NAALADL2: variants seen among roughly 807,000 people sequenced by gnomAD.
NAALADL2 encodes N-acetylated alpha-linked acidic dipeptidase like 2, also known as inactive N-acetylated-alpha-linked acidic dipeptidase-like protein 2.
NAALADL2 carries 76 observed loss-of-function variants against 87.2 expected under a neutral mutation model. That is an observed-to-expected ratio of 0.87 (90% CI 0.72 to 1.05). NAALADL2 has a LOEUF of 1.05. Ranked by LOEUF, NAALADL2 falls within the 50% of genes least tolerant of loss-of-function variation. NAALADL2 has a pLI of 0.00. For missense variants in NAALADL2, 1,089 were observed against 945.8 expected (o/e 1.15, Z -1.99); for synonymous variants, 354 against 331.0 (o/e 1.07, Z -0.75).
chr3:174,589,625 G>T (rs1262560521), intron 2 of NAALADL2, among the ~76,000 whole-genome samples: 1 of 152,156 alleles, frequency 6.6e-6, no homozygotes, highest in Non-Finnish European at 1.5e-5. Flanking sequence ...TTAGTTGACT[G>T]AAACATTAGT....
intron 1 of NAALADL2, among the ~76,000 whole-genome samples, chr3:174,454,546 A>G (rs79282566): frequency 7.0e-4 from 106 of 152,342 alleles, no homozygotes; most frequent in Non-Finnish European, 1.2e-3. Flanking sequence ...ACTCTCTCAG[A>G]CAACAGCAGC....
Position 175,627,283 on chromosome 3 carries a change from TG to T in NAALADL2, c.1801-7del. 1 of 1,547,942 alleles carries T rather than the reference TG, an allele frequency of 6.5e-7. No homozygotes were observed. The highest frequency in any genetic ancestry group is 8.7e-7 in the Non-Finnish European group (1 of 1,144,482). On this transcript the variant is annotated splice_polypyrimidine_tract_variant and splice_region_variant and intron_variant, in intron 10 of 13. Coordinates refer to ENST00000454872, the MANE Select transcript of NAALADL2 (RefSeq NM_207015.3). Reference sequence around the variant, plus strand: ...AGTTTTAAATGTTTCTTTTTTGATTTGCCGCAGGGTCCAAGTTTTCTCTCCG... The same window carrying T: ...AGTTTTAAATGTTTCTTTTTTGATTTCCGCAGGGTCCAAGTTTTCTCTCCG...
chr3:175,410,422 T>C (rs1264972790), intron 5 of NAALADL2, among the ~76,000 whole-genome samples: 12 of 152,162 alleles, frequency 7.9e-5, no homozygotes, highest in Non-Finnish European at 4.4e-5. Flanking sequence ...CTAATTGATG[T>C]AGAACCAAGA....
At chr3:174,632,607 A>G (rs892053756) in intron 2 of NAALADL2, among the ~76,000 whole-genome samples, 3 of 152,092 alleles carry the variant, frequency 2.0e-5, no homozygotes, top group Non-Finnish European at 2.9e-5. Context: ...TTCAGGAGGA[A>G]GAACAATAAC....
At chr3:175,460,342 G>A (rs1284144837) in intron 6 of NAALADL2, among the ~76,000 whole-genome samples, 2 of 152,176 alleles carry the variant, frequency 1.3e-5, no homozygotes, top group African/African-American at 4.8e-5. Context: ...ATCAGCACAT[G>A]CATGAGGATG....
chr3:175,030,455 C>T (rs1027012453), intron 1 of NAALADL2, among the ~76,000 whole-genome samples: 6 of 152,002 alleles, frequency 3.9e-5, no homozygotes, highest in African/African-American at 1.4e-4. Flanking sequence ...CTTACTTTGA[C>T]AGTTGCATTA....
At chr3:174,844,383 G>T (rs779895161) in intron 3 of NAALADL2, among the ~76,000 whole-genome samples, 5 of 152,108 alleles carry the variant, frequency 3.3e-5, no homozygotes, top group Non-Finnish European at 7.4e-5. Context: ...ATGATGTTTA[G>T]GTTACTATAG....
At chr3:175,060,783 C>T (rs1304689003) in intron 1 of NAALADL2, among the ~76,000 whole-genome samples, 2 of 152,208 alleles carry the variant, frequency 1.3e-5, no homozygotes, top group African/African-American at 2.4e-5. Context: ...TGCCGTGGCT[C>T]ATGCCTGTAA....
chr3:175,100,020 A>G (rs1441465189), intron 2 of NAALADL2, among the ~76,000 whole-genome samples: 1 of 150,698 alleles, frequency 6.6e-6, no homozygotes, highest in Admixed American at 6.6e-5. Flanking sequence ...TGAACATAGT[A>G]TTTATATTAT....
chr3:174,803,426 G>A (rs575635762), intron 3 of NAALADL2, among the ~76,000 whole-genome samples: 12 of 152,224 alleles, frequency 7.9e-5, no homozygotes, highest in African/African-American at 2.9e-4. Context: ...TCTGTAGGTT[G>A]CCTGTTCACT....
intron 9 of NAALADL2, among the ~76,000 whole-genome samples, chr3:175,573,183 A>C (rs950256382): frequency 1.3e-5 from 2 of 152,246 alleles, no homozygotes; most frequent in African/African-American, 4.8e-5. Flanking sequence ...TCTAAGGAGC[A>C]TGGCTGAGCA....
chr3:175,739,107 A>G (rs985866651), intron 12 of NAALADL2, among the ~76,000 whole-genome samples: 7 of 151,754 alleles, frequency 4.6e-5, no homozygotes, highest in Admixed American at 3.9e-4. Context: ...TCATGCATGA[A>G]AAGAAGCCCC....
At chr3:174,885,840 C>T (rs1380157034) in intron 1 of NAALADL2, among the ~76,000 whole-genome samples, 2 of 118,586 alleles carry the variant, frequency 1.7e-5, no homozygotes, top group Non-Finnish European at 3.4e-5. Context: ...CCACAATAGG[C>T]CATCTGCTGA....
chr3:175,132,527 A>C (rs866441411), intron 2 of NAALADL2, among the ~76,000 whole-genome samples: 1 of 12,334 alleles, frequency 8.1e-5, no homozygotes. Context: ...GGCGCCCCTC[A>C]CTCCCGGACG....
At chr3:174,934,980 T>A (rs905237443) in intron 1 of NAALADL2, among the ~76,000 whole-genome samples, 1 of 151,726 alleles carries the variant, frequency 6.6e-6, no homozygotes, top group Non-Finnish European at 1.5e-5. Context: ...AATGTATTTT[T>A]AAAAATGAAT....
chr3:175,765,145 T>C (rs1748525098), intron 13 of NAALADL2, among the ~76,000 whole-genome samples: 1 of 152,142 alleles, frequency 6.6e-6, no homozygotes, highest in Non-Finnish European at 1.5e-5. Flanking sequence ...AAAGAATCTA[T>C]GTATGCATAC....
chr3:175,204,694 C>A (rs899382353), intron 2 of NAALADL2, among the ~76,000 whole-genome samples: 14 of 151,988 alleles, frequency 9.2e-5, no homozygotes, highest in African/African-American at 3.4e-4. Context: ...CCTTGAAAAC[C>A]CCAAGAACTT....
chr3:175,083,794 G>A lies in NAALADL2; in HGVS notation c.44-12996G>A, dbSNP rs1299044542. ...ATACCTACCACCAAACTTGTTGCTG[G>A]TAAAATGACAATTATCTGACCCAAA... On this transcript the variant is annotated intron_variant, in intron 1 of 13. Coordinates refer to ENST00000454872, the MANE Select transcript of NAALADL2 (RefSeq NM_207015.3). 2.0e-5 allele frequency among the ~76,000 whole-genome samples: 3 copies of A among 152,052 alleles called. No individual in the cohort carries two copies. In the South Asian group the frequency reaches 6.2e-4, roughly 32 times the overall value.
intron 2 of NAALADL2, among the ~76,000 whole-genome samples, chr3:174,554,063 C>T (rs1431148093): frequency 2.6e-5 from 4 of 151,926 alleles, no homozygotes; most frequent in South Asian, 2.1e-4. Context: ...ATTATACAAT[C>T]GGATGTGACT....
Sources: allele counts gnomAD v4.1 joint callset (sites outside exome capture counted in the v4.1 genomes callset), GRCh38; gene constraint gnomAD v4.1.1; transcripts MANE v1.5; gene names NCBI Gene and HGNC (gene_info 2026-07-23, HGNC 2026-07-21).